EYS: variants seen among roughly 807,000 people sequenced by gnomAD.
EYS encodes protein eyes shut homolog.
Under a neutral mutation model 282.1 loss-of-function variants are expected in EYS, and 250 were observed. That is an observed-to-expected ratio of 0.89 (90% CI 0.80 to 0.98). The LOEUF is 0.98. Ranked by LOEUF, EYS falls within the 50% of genes least tolerant of loss-of-function variation. The probability of loss-of-function intolerance (pLI) is 0.00; values close to 1 mark genes in which losing one functional copy is unlikely to be tolerated. For synonymous variants in EYS, 1,355 were observed against 1,282.9 expected, an observed-to-expected ratio of 1.06 and a Z score of -1.20; for missense variants, 4,016 against 3,709.0, an observed-to-expected ratio of 1.08 and a Z score of -2.15.
intron 2 of EYS, among the ~76,000 whole-genome samples, chr6:65,538,192 AG>A (rs1768029440): frequency 6.6e-6 from 1 of 152,210 alleles, no homozygotes; most frequent in Non-Finnish European, 1.5e-5. Context: ...ATAAATGGTA[AG>A]GATATAAGTT....
chr6:65,378,700 A>C lies in EYS; in HGVS notation c.1299+5686T>G, dbSNP rs895065715. Reference sequence around the variant, plus strand: ...AAATATACACCATGGAATACTATGCATTCATAAAAAAGGATGAGTTAATGT... The same window carrying C: ...AAATATACACCATGGAATACTATGCCTTCATAAAAAAGGATGAGTTAATGT... On this transcript the variant is annotated intron_variant, in intron 8 of 42. Transcript: ENST00000503581. 2.7e-4 allele frequency among the ~76,000 whole-genome samples: 41 copies of C among 152,334 alleles called. 1 individual carries two copies. Among genetic ancestry groups the C allele is most frequent in the African/African-American group, 9.4e-4 (39 of 41,580 alleles).
intron 12 of EYS, among the ~76,000 whole-genome samples, chr6:65,274,263 G>A (rs1456639929): frequency 6.6e-6 from 1 of 152,218 alleles, no homozygotes; most frequent in Non-Finnish European, 1.5e-5. Flanking sequence ...AAAGATTGCA[G>A]AGGTTAGTTC....
rs575727461 is a variant in EYS at position 64,211,607 on chromosome 6, T to G, written c.6424+18985A>C. On this transcript the variant is annotated intron_variant, in intron 31 of 42. Transcript: ENST00000503581. Reference sequence around the variant, plus strand: ...CATATATTAATCTAATTTAATTCATTTATATGCATATATATGAATTAAATT... The same window carrying G: ...CATATATTAATCTAATTTAATTCATGTATATGCATATATATGAATTAAATT... Among the ~76,000 whole-genome samples, 179 of 148,628 alleles carry G rather than the reference T, an allele frequency of 1.2e-3. 2 individuals are homozygous for G. Among genetic ancestry groups the G allele is most frequent in the East Asian group, 8.8e-3 (45 of 5,126 alleles).
chr6:65,682,586 C>T (rs914435709), intron 1 of EYS, among the ~76,000 whole-genome samples: 26 of 151,736 alleles, frequency 1.7e-4, no homozygotes, highest in African/African-American at 6.3e-4. Flanking sequence ...CAGTGTTCAA[C>T]AAACATTTTT....
intron 2 of EYS, among the ~76,000 whole-genome samples, chr6:65,557,720 C>G (rs1432528500): frequency 6.6e-6 from 1 of 152,146 alleles, no homozygotes; most frequent in Non-Finnish European, 1.5e-5. Flanking sequence ...GTCCTGAGTT[C>G]TTTTCCTGAA....
intron 31 of EYS, among the ~76,000 whole-genome samples, chr6:64,157,871 C>G (rs1021659924): frequency 6.6e-6 from 1 of 152,184 alleles, no homozygotes; most frequent in African/African-American, 2.4e-5. Context: ...GTCGGAGCCC[C>G]CACACAGAGT....
chr6:64,051,048 G>T (rs1283097187), intron 33 of EYS, among the ~76,000 whole-genome samples: 1 of 152,250 alleles, frequency 6.6e-6, no homozygotes, highest in Admixed American at 6.5e-5. Flanking sequence ...CTGATACGTT[G>T]AATGATGAAT....
chr6:65,048,045 G>A (rs1244900878), intron 13 of EYS, among the ~76,000 whole-genome samples: 1 of 151,832 alleles, frequency 6.6e-6, no homozygotes, highest in African/African-American at 2.4e-5. Context: ...AAGAAAGCAT[G>A]GAAAATACAG....
intron 2 of EYS, among the ~76,000 whole-genome samples, chr6:65,611,409 A>T (rs1043328122): frequency 6.6e-6 from 1 of 152,026 alleles, no homozygotes; most frequent in Non-Finnish European, 1.5e-5. Context: ...TATGAATATA[A>T]TATGGGTATA....
intron 2 of EYS, among the ~76,000 whole-genome samples, chr6:65,557,973 T>C (rs1174313296): frequency 6.6e-6 from 1 of 152,080 alleles, no homozygotes; most frequent in Non-Finnish European, 1.5e-5. Flanking sequence ...CCATGCTGAT[T>C]GGTTCATGGG....
chr6:65,412,288 A>T (rs745437698), intron 5 of EYS, among the ~76,000 whole-genome samples: 1 of 152,142 alleles, frequency 6.6e-6, no homozygotes, highest in Admixed American at 6.6e-5. Context: ...ACTGACTAAG[A>T]CACAAATAAA....
At chr6:65,609,391 T>A (rs982657628) in intron 2 of EYS, among the ~76,000 whole-genome samples, 1 of 152,054 alleles carries the variant, frequency 6.6e-6, no homozygotes, top group African/African-American at 2.4e-5. Flanking sequence ...AATTTAATTT[T>A]AAAATTACAT....
chr6:65,105,297 T>C (rs1199081099), intron 12 of EYS, among the ~76,000 whole-genome samples: 1 of 151,696 alleles, frequency 6.6e-6, no homozygotes, highest in African/African-American at 2.4e-5. Flanking sequence ...GACTACATTC[T>C]TATAATGTTG....
At chr6:64,261,760 G>T (rs117308907) in intron 30 of EYS, among the ~76,000 whole-genome samples, 2,382 of 150,968 alleles carry the variant, frequency 0.016, 20 homozygotes, top group South Asian at 0.035. Context: ...CTACTAATGG[G>T]ATATATACCT....
At chr6:64,391,027 G>T (rs1385524178) in intron 28 of EYS, among the ~76,000 whole-genome samples, 1 of 152,202 alleles carries the variant, frequency 6.6e-6, no homozygotes, top group East Asian at 1.9e-4. Flanking sequence ...GGGTATCAGT[G>T]ATGGAAGATG....
At chr6:64,124,622 T>C (rs1773700605) in intron 31 of EYS, among the ~76,000 whole-genome samples, 1 of 152,178 alleles carries the variant, frequency 6.6e-6, no homozygotes, top group African/African-American at 2.4e-5. Flanking sequence ...TAGACCATGA[T>C]TTATGAATTA....
chr6:63,863,675 C>CTTTTCTTTTCTTTTCTTTT (rs1772597256), intron 36 of EYS, among the ~76,000 whole-genome samples: 1 of 60,042 alleles, frequency 1.7e-5, no homozygotes, highest in African/African-American at 5.7e-5. Flanking sequence ...TTTCTTTTTT[C>CTTTTCTTTTCTTTTCTTTT]TTTTTTTTTT....
intron 13 of EYS, among the ~76,000 whole-genome samples, chr6:65,000,736 C>T (rs1362695947): frequency 2.6e-5 from 4 of 152,168 alleles, no homozygotes; most frequent in Non-Finnish European, 5.9e-5. Flanking sequence ...CTAGATCGTG[C>T]CACTGCACTC....
In EYS at chr6:64,170,365, C is replaced by T. The variant is rs773220030; in HGVS notation, c.6424+60227G>A. Among the ~76,000 whole-genome samples, 41 of 152,068 alleles carry T rather than the reference C, an allele frequency of 2.7e-4. 3 individuals carry two copies. The highest frequency in any genetic ancestry group is 5.9e-5 in the Non-Finnish European group (4 of 68,016). Reference sequence around the variant, plus strand: ...TGGCTGCGGTAACAAATTACCACAACGTGGGTGGTTTAAAATAACAGAAAT... The same window carrying T: ...TGGCTGCGGTAACAAATTACCACAATGTGGGTGGTTTAAAATAACAGAAAT... On this transcript the variant is annotated intron_variant, in intron 31 of 42. Coordinates refer to ENST00000503581, the MANE Select transcript of EYS (RefSeq NM_001142800.2).
Sources: gnomAD v4.1 joint callset for allele counts (sites outside exome capture counted in the v4.1 genomes callset) on GRCh38, gnomAD v4.1.1 for gene constraint, MANE v1.5 for transcripts, NCBI Gene and HGNC (gene_info 2026-07-23, HGNC 2026-07-21) for gene names.